The following NRXN3 variants were observed in gnomAD, a reference collection of about 807,000 sequenced individuals.
NRXN3 encodes the protein neurexin III.
Under a neutral mutation model 137.6 loss-of-function variants are expected in NRXN3, and 32 were observed. The ratio of observed to expected loss-of-function variants is 0.23; its 90% CI spans 0.18 to 0.31. The LOEUF (loss-of-function observed/expected upper bound fraction) is 0.31, where lower values mean the gene tolerates loss of function less well. Among genes scored for constraint, NRXN3 ranks in the 10% least tolerant of loss-of-function variants. NRXN3 has a pLI of 1.00. For missense variants in NRXN3, 1,574 were observed against 2,062.5 expected (o/e 0.76, Z 4.59); for synonymous variants, 798 against 784.5 (o/e 1.02, Z -0.29).
intron 6 of NRXN3, among the ~76,000 whole-genome samples, chr14:78,673,143 GT>G (rs1443546518): frequency 1.3e-5 from 2 of 152,168 alleles, no homozygotes; most frequent in Non-Finnish European, 2.9e-5. Flanking sequence ...GTTAAATCCT[GT>G]GACCTGAAAT....
intron 4 of NRXN3, among the ~76,000 whole-genome samples, chr14:78,623,355 G>A (rs963297485): frequency 3.2e-4 from 49 of 152,084 alleles, no homozygotes; most frequent in African/African-American, 1.1e-3. Context: ...AATCTCTAAC[G>A]TGTGAAAAAT....
intron 4 of NRXN3, among the ~76,000 whole-genome samples, chr14:78,502,257 G>A (rs1002818837): frequency 1.3e-5 from 2 of 152,204 alleles, no homozygotes; most frequent in African/African-American, 4.8e-5. Flanking sequence ...GCCATGTTGA[G>A]AGGCTCACTC....
rs74757183 is a variant in NRXN3 at position 79,033,857 on chromosome 14, C to T, written c.3262+45716C>T. Among the ~76,000 whole-genome samples the T allele has an allele frequency of 1.2e-3, 188 of 152,148 alleles. 3 individuals carry two copies. The East Asian group carries it at 0.031, about 25-fold the overall frequency. ...GGGTAGACTAGTTTCAGCCGGAGCT[C>T]TTAATGGGCATCAACCATCACAAGT... On this transcript the variant is annotated intron_variant, in intron 15 of 20. Transcript: ENST00000335750.
intron 15 of NRXN3, among the ~76,000 whole-genome samples, chr14:79,254,493 C>T (rs1181565773): frequency 2.6e-5 from 4 of 151,400 alleles, no homozygotes; most frequent in Non-Finnish European, 5.9e-5. Flanking sequence ...TCCATAGGCT[C>T]AAGCAGAAAA....
chr14:78,439,415 G>T (rs548611414), intron 4 of NRXN3, among the ~76,000 whole-genome samples: 3 of 152,240 alleles, frequency 2.0e-5, no homozygotes, highest in Non-Finnish European at 4.4e-5. Context: ...ATCTGCACCT[G>T]TGTGCCAGGC....
intron 15 of NRXN3, among the ~76,000 whole-genome samples, chr14:79,064,923 CATATA>C (rs1426154780): frequency 6.6e-6 from 1 of 150,770 alleles, no homozygotes; most frequent in Non-Finnish European, 1.5e-5. Flanking sequence ...ATAAAAGTAA[CATATA>C]GTATATTTTT....
chr14:78,536,564 A>G (rs1301708547), intron 4 of NRXN3, among the ~76,000 whole-genome samples: 1 of 152,090 alleles, frequency 6.6e-6, no homozygotes, highest in Non-Finnish European at 1.5e-5. Context: ...GAGGCTTAAT[A>G]TGTAGATTGA....
At chr14:79,422,145 G>A (rs1040906769) in intron 15 of NRXN3, among the ~76,000 whole-genome samples, 3 of 152,054 alleles carry the variant, frequency 2.0e-5, no homozygotes, top group Non-Finnish European at 4.4e-5. Context: ...CTGTAGCCTC[G>A]ACATTCTGGG....
At chr14:79,030,266 A>T (rs1300169975) in intron 15 of NRXN3, among the ~76,000 whole-genome samples, 2 of 151,912 alleles carry the variant, frequency 1.3e-5, no homozygotes, top group Admixed American at 6.6e-5. Flanking sequence ...ACAATAAAAA[A>T]ATCTCTAAAC....
chr14:78,263,710 A>G (rs554206188), intron 2 of NRXN3, among the ~76,000 whole-genome samples: 1 of 152,154 alleles, frequency 6.6e-6, no homozygotes, highest in Non-Finnish European at 1.5e-5. Flanking sequence ...CACGGCTTCT[A>G]CTATTGTGAA....
At chr14:78,739,000 C>T (rs2098552787) in intron 8 of NRXN3, among the ~76,000 whole-genome samples, 1 of 152,142 alleles carries the variant, frequency 6.6e-6, no homozygotes, top group South Asian at 2.1e-4. Flanking sequence ...ATGTGCTTAC[C>T]ACACTGTCTC....
chr14:78,771,741 TTGTC>T (rs1056748446), intron 8 of NRXN3, among the ~76,000 whole-genome samples: 5 of 152,202 alleles, frequency 3.3e-5, no homozygotes, highest in African/African-American at 1.2e-4. Context: ...TGTTTTTAGT[TTGTC>T]TGTAACACCC....
intron 15 of NRXN3, among the ~76,000 whole-genome samples, chr14:79,016,004 G>A (rs555530315): frequency 2.6e-5 from 4 of 152,198 alleles, no homozygotes; most frequent in Non-Finnish European, 2.9e-5. Context: ...TGAAAGGGCC[G>A]TTTTTCTTGG....
At position 78,456,799 on chromosome 14, in the gene NRXN3, CTCTTTCTTTCTTTCTT is replaced by C. The variant is rs374674586; in HGVS notation, c.757+158981_757+158996del. On this transcript the variant is annotated intron_variant, in intron 4 of 20. Coordinates refer to ENST00000335750, the MANE Select transcript of NRXN3 (RefSeq NM_001330195.2). ...TCTTTCCCTTTCTCTCTCTCTTTCT[CTCTTTCTTTCTTTCTT>C]TCTTTCTTTCTTTCTTTCTTTCTTT... 3.8e-3 allele frequency among the ~76,000 whole-genome samples: 368 copies of C among 97,686 alleles called. 2 individuals carry two copies. Among genetic ancestry groups the C allele is most frequent in the Admixed American group, 4.3e-3 (37 of 8,646 alleles). The allele number at this position is 97,686 out of a possible 152,430, so 64.1% of individuals were successfully genotyped here.
At chr14:79,363,862 A>G (rs916360051) in intron 15 of NRXN3, among the ~76,000 whole-genome samples, 7 of 152,202 alleles carry the variant, frequency 4.6e-5, no homozygotes, top group African/African-American at 1.7e-4. Context: ...TAAGAAATTT[A>G]TACCTGGCCC....
intron 6 of NRXN3, among the ~76,000 whole-genome samples, chr14:78,681,746 G>A (rs1307809382): frequency 7.2e-5 from 11 of 152,122 alleles, no homozygotes; most frequent in Admixed American, 3.9e-4. Context: ...TTTCCCATTC[G>A]CACCCCATGT....
chr14:79,251,830 CT>C (rs113660197), intron 15 of NRXN3, among the ~76,000 whole-genome samples: 4 of 148,088 alleles, frequency 2.7e-5, no homozygotes, highest in East Asian at 4.0e-4. Context: ...CTTTTCTTTT[CT>C]TTTTTTTTTC....
rs1474955981 is a variant in NRXN3, at chr14:78,873,977, T to TTTC, written c.2275+63635_2275+63636insCTT. On this transcript the variant is annotated intron_variant, in intron 10 of 20. Transcript: ENST00000335750. Reference sequence around the variant, plus strand: ...ATGTGAAGTGATTTTCTTTTCTTTCTTTTTTTTTTTTTTTGAGACAATGTC... The same window carrying TTTC: ...ATGTGAAGTGATTTTCTTTTCTTTCTTTCTTTTTTTTTTTTTTGAGACAATGTC... 6.0e-3 allele frequency among the ~76,000 whole-genome samples: 572 copies of TTTC among 95,074 alleles called. 2 individuals carry two copies. In the African/African-American group the frequency reaches 0.067, roughly 11 times the overall value. 62.4% of individuals were successfully genotyped at this position (95,074 alleles called of 152,430 possible).
intron 10 of NRXN3, among the ~76,000 whole-genome samples, chr14:78,932,523 C>T (rs189905922): frequency 2.6e-4 from 40 of 152,142 alleles, no homozygotes; most frequent in African/African-American, 9.2e-4. Flanking sequence ...ATACAATATT[C>T]CAAGATCACT....
Sources: gnomAD v4.1 joint callset for allele counts (sites outside exome capture counted in the v4.1 genomes callset) on GRCh38, gnomAD v4.1.1 for gene constraint, MANE v1.5 for transcripts, NCBI Gene and HGNC (gene_info 2026-07-23, HGNC 2026-07-21) for gene names.